The following AIFM1 variants were observed in gnomAD, a reference collection of about 807,000 sequenced individuals.
The protein encoded by AIFM1 is apoptosis-inducing factor 1, mitochondrial.
A neutral mutation model predicts 51.7 loss-of-function variants in AIFM1; 3 were observed. The observed-to-expected ratio is 0.06, with a 90% CI of 0.03 to 0.15. The LOEUF is 0.15. AIFM1 is among the 10% of genes least tolerant of loss of function. The pLI is 1.00. For missense variants in AIFM1, 330 were observed against 476.8 expected, an observed-to-expected ratio of 0.69 and a Z score of 2.87; for synonymous variants, 178 against 179.4, an observed-to-expected ratio of 0.99 and a Z score of 0.06.
intron 1 of AIFM1, among the ~76,000 whole-genome samples, chrX:130,158,203 G>A (rs1240750302): frequency 9.0e-6 from 1 of 111,415 alleles, no homozygotes; most frequent in Non-Finnish European, 1.9e-5. Flanking sequence ...GGCGGAGGTT[G>A]CAGTGAGCCG....
At chrX:130,158,493 T>C (rs185729745) in intron 1 of AIFM1, among the ~76,000 whole-genome samples, 1 of 110,078 alleles carries the variant, frequency 9.1e-6, no homozygotes, top group African/African-American at 3.3e-5. Context: ...TCAATAGATC[T>C]GGGATGGGGC....
At position 130,165,813 on chromosome X, in the gene AIFM1, C is replaced by T; in HGVS notation, c.-157G>A. ...TCCGGGTGGGCATTGGACAGAGAAG[C>T]CGGCCTGCTAGAGCCGGGGAAGGGG... On this transcript the variant is annotated 5_prime_UTR_variant, in exon 1 of 16. Transcript: ENST00000287295. 1 of 531,382 alleles carries T rather than the reference C, an allele frequency of 1.9e-6. No homozygotes were observed. The highest frequency in any genetic ancestry group is 3.3e-6 in the Non-Finnish European group (1 of 299,107). 43.8% of individuals were successfully genotyped at this position (531,382 alleles called of 1,213,427 possible). A position where few individuals can be genotyped will look rare whatever the true frequency, so the allele number is the denominator to read the frequency against.
intron 1 of AIFM1, among the ~76,000 whole-genome samples, chrX:130,157,863 G>C (rs2031216349): frequency 9.3e-6 from 1 of 107,791 alleles, no homozygotes; most frequent in Non-Finnish European, 1.9e-5. Context: ...GCTGAGGCAG[G>C]AGAATCGCTT....
intron 9 of AIFM1, chrX:130,137,480 C>T: frequency 8.6e-7 from 1 of 1,167,729 alleles, no homozygotes; most frequent in Non-Finnish European, 1.1e-6. Context: ...TTTGCAACCT[C>T]TGAATAGGAA....
Position 130,137,064 on chromosome X carries a change from A to G in AIFM1, c.1075+14T>C. ...AGGAAATAGAGTGGCAGCATATAGAAACAGTCTCTCTACCTCGTCTGACTT... is the reference window on the plus strand; with the variant it reads ...AGGAAATAGAGTGGCAGCATATAGAGACAGTCTCTCTACCTCGTCTGACTT... On this transcript the variant is annotated intron_variant, in intron 10 of 15. Coordinates refer to ENST00000287295, the MANE Select transcript of AIFM1 (RefSeq NM_004208.4). 8.3e-7 allele frequency: 1 copy of G among 1,211,184 alleles called. No individual in the cohort carries two copies. Among genetic ancestry groups the G allele is most frequent in the Admixed American group, 2.2e-5 (1 of 45,970 alleles).
chrX:130,142,913 T>G (rs1419421426), intron 6 of AIFM1, among the ~76,000 whole-genome samples: 1 of 112,189 alleles, frequency 8.9e-6, no homozygotes, highest in East Asian at 2.8e-4. Context: ...CCCAAAGGTA[T>G]CTGAACCGCC....
At chrX:130,157,953 CAAA>C (rs770910998) in intron 1 of AIFM1, among the ~76,000 whole-genome samples, 4 of 46,155 alleles carry the variant, frequency 8.7e-5, no homozygotes, top group African/African-American at 8.3e-5. Context: ...GACTCCGTCT[CAAA>C]AAAAAAAAAA....
intron 6 of AIFM1, among the ~76,000 whole-genome samples, 164 bp from the exon 7 acceptor site, chrX:130,140,781 G>C (rs1196546637): frequency 8.9e-6 from 1 of 112,342 alleles, no homozygotes; most frequent in Non-Finnish European, 1.9e-5. Context: ...TCTGATTTCA[G>C]AACATTTCCA....
intron 13 of AIFM1, among the ~76,000 whole-genome samples, chrX:130,132,326 CCA>C (rs2030124419): frequency 8.9e-6 from 1 of 112,323 alleles, no homozygotes; most frequent in Non-Finnish European, 1.9e-5. Context: ...TTATACACGA[CCA>C]CATATCCATG....
rs374091026 is a variant in AIFM1, at chrX:130,145,464, G to A, written c.696+15C>T. On this transcript the variant is annotated intron_variant, in intron 6 of 15. Coordinates refer to ENST00000287295, the MANE Select transcript of AIFM1 (RefSeq NM_004208.4). Reference sequence around the variant, plus strand: ...GTACGTAGAGCCTGACAAAAGAAGCGGTCTACTAGCTCACCTTCTTCCCAG... The same window carrying A: ...GTACGTAGAGCCTGACAAAAGAAGCAGTCTACTAGCTCACCTTCTTCCCAG... The A allele has an allele frequency of 3.1e-5, 36 of 1,177,262 alleles. No individual in the cohort carries two copies. Among genetic ancestry groups the A allele is most frequent in the Non-Finnish European group, 4.0e-5 (35 of 866,006 alleles).
At position 130,131,684 on chromosome X, in the gene AIFM1, C is replaced by T. The variant is rs1164578339; in HGVS notation, c.1564G>A (p.Glu522Lys). The T allele has an allele frequency of 8.3e-7, 1 of 1,212,081 alleles. No individual in the cohort carries two copies. Among genetic ancestry groups the T allele is most frequent in the South Asian group, 1.8e-5 (1 of 57,007 alleles). Residue 522 changes from glutamate to lysine, a missense_variant, in exon 14 of 16, where the codon GAG (glutamate) becomes AAG (lysine). Transcript: ENST00000287295. ...TAQDNPKSAT[E>K]QSGTGIRSES... ...GCTAGGACTTTCTTACCTGACTGCTCTGTGGCAGATTTGGGGTTGTCTTGT... is the reference window on the plus strand; with the variant it reads ...GCTAGGACTTTCTTACCTGACTGCTTTGTGGCAGATTTGGGGTTGTCTTGT...
chrX:130,161,464 T>C (rs752290197), intron 1 of AIFM1, among the ~76,000 whole-genome samples: 1 of 99,536 alleles, frequency 1.0e-5, no homozygotes, highest in South Asian at 5.2e-4. Context: ...TGAGCTGAGA[T>C]TGTGTCACTG....
intron 1 of AIFM1, among the ~76,000 whole-genome samples, chrX:130,161,408 G>A (rs905219019): frequency 1.4e-4 from 15 of 105,908 alleles, no homozygotes; most frequent in Admixed American, 5.1e-4. Context: ...CTACTCGGGA[G>A]GCTGAGGCAG....
chrX:130,130,190 T>C, intron 14 of AIFM1, 24 bp from the exon 15 acceptor site: 2 of 1,208,369 alleles, frequency 1.7e-6, no homozygotes, highest in East Asian at 3.0e-5. Context: ...CCAAAACAAA[T>C]AAACATGGAA....
chrX:130,135,439 T>TAAA (rs1556260137), intron 12 of AIFM1, among the ~76,000 whole-genome samples: 111 of 72,904 alleles, frequency 1.5e-3, no homozygotes, highest in Middle Eastern at 7.2e-3. Flanking sequence ...TTTTTTTTTT[T>TAAA]AAAAAAAAAA....
Position 130,147,584 on chromosome X carries a change from G to T in AIFM1, c.514C>A (p.Arg172=). Residue 172 remains arginine, a synonymous_variant, in exon 5 of 16, where the codon CGA becomes AGA. Transcript: ENST00000287295. ...CACAGTTCTTTTGAAAGAGGAGGTC[G>T]CATGTACGGCAGCTCAGGATCTTCA... ...VSEDPELPYM[R]PPLSKELWFS... 1 of 1,211,873 alleles carries T rather than the reference G, an allele frequency of 8.3e-7. No individual in the cohort carries two copies. The highest frequency in any genetic ancestry group is 3.0e-5 in the East Asian group (1 of 33,873).
chrX:130,163,345 G>A (rs1187015162), intron 1 of AIFM1, among the ~76,000 whole-genome samples: 1 of 110,085 alleles, frequency 9.1e-6, no homozygotes, highest in Non-Finnish European at 1.9e-5. Flanking sequence ...AAGGTGGAGG[G>A]AGAAATGGTG....
intron 9 of AIFM1, chrX:130,138,044 A>G (rs1218531186): frequency 8.9e-6 from 1 of 112,196 alleles, no homozygotes; most frequent in Non-Finnish European, 1.8e-5. Flanking sequence ...CCTGGGCAAC[A>G]AGAGTGAAAC....
At chrX:130,152,777 T>C (rs966313958) in intron 2 of AIFM1, among the ~76,000 whole-genome samples, 3 of 111,671 alleles carry the variant, frequency 2.7e-5, no homozygotes, top group African/African-American at 6.5e-5. Context: ...ATATTTACAA[T>C]CCGAGCAGCA....
Sources: allele counts gnomAD v4.1 joint callset (sites outside exome capture counted in the v4.1 genomes callset), GRCh38; gene constraint gnomAD v4.1.1; transcripts MANE v1.5; gene names NCBI Gene and HGNC (gene_info 2026-07-23, HGNC 2026-07-21).